The following FHIT variants were observed in gnomAD, a reference collection of about 807,000 sequenced individuals.
The protein encoded by FHIT is fragile histidine triad diadenosine triphosphatase, also known as bis(5'-adenosyl)-triphosphatase.
FHIT carries 19 observed loss-of-function variants against 17.9 expected under a neutral mutation model. That is an observed-to-expected ratio of 1.06 (90% CI 0.74 to 1.56). FHIT has a LOEUF of 1.56. Ranked by LOEUF, FHIT falls within the 40% of genes most tolerant of loss-of-function variation. The pLI is 0.00. For missense variants in FHIT, 248 were observed against 189.2 expected (o/e 1.31, Z -1.82); for synonymous variants, 81 against 69.7 (o/e 1.16, Z -0.81).
chr3:60,294,386 G>A (rs999033280), intron 5 of FHIT, among the ~76,000 whole-genome samples: 1 of 152,108 alleles, frequency 6.6e-6, no homozygotes, highest in Non-Finnish European at 1.5e-5. Flanking sequence ...CCCTCCAGAG[G>A]AACCCAGGTT....
At chr3:60,576,237 T>TA (rs1553657568) in intron 4 of FHIT, among the ~76,000 whole-genome samples, 29 of 102,212 alleles carry the variant, frequency 2.8e-4, no homozygotes, top group Non-Finnish European at 4.6e-4. Flanking sequence ...TAAAATTTTT[T>TA]TAAAAAATAC....
chr3:59,963,015 G>A (rs2107351448), intron 7 of FHIT, among the ~76,000 whole-genome samples: 1 of 152,238 alleles, frequency 6.6e-6, no homozygotes. Flanking sequence ...CAGCACTTTG[G>A]GAGGCCAAAG....
chr3:59,985,379 G>C (rs1284163097), intron 7 of FHIT, among the ~76,000 whole-genome samples: 5 of 152,084 alleles, frequency 3.3e-5, no homozygotes. Context: ...AAACCTTAGA[G>C]TATTATCAGG....
chr3:60,347,389 G>A (rs1710834315), intron 5 of FHIT, among the ~76,000 whole-genome samples: 1 of 151,868 alleles, frequency 6.6e-6, no homozygotes, highest in Non-Finnish European at 1.5e-5. Context: ...TAAATGAGAT[G>A]GAACCAACAT....
At chr3:60,983,299 G>C (rs1036755753) in intron 3 of FHIT, among the ~76,000 whole-genome samples, 30 of 152,234 alleles carry the variant, frequency 2.0e-4, no homozygotes, top group African/African-American at 6.3e-4. Flanking sequence ...AAGGAAATGA[G>C]GAAGGGACGG....
At position 60,372,448 on chromosome 3, in the gene FHIT, G is replaced by C. The variant is rs118169025; in HGVS notation, c.103+164412C>G. Among the ~76,000 whole-genome samples the C allele has an allele frequency of 2.9e-4, 44 of 152,264 alleles. No homozygotes were observed. The East Asian group carries it at 6.8e-3, about 23-fold the overall frequency. ...TTTAAAAACAGAGTTAATGTCATGA[G>C]TCTGTCTGCTTATCTCTATCTCATT... On this transcript the variant is annotated intron_variant, in intron 5 of 9. Coordinates refer to ENST00000492590, the MANE Select transcript of FHIT (RefSeq NM_002012.4).
intron 3 of FHIT, among the ~76,000 whole-genome samples, chr3:60,941,787 A>G (rs567659343): frequency 3.3e-4 from 50 of 152,164 alleles, no homozygotes; most frequent in Middle Eastern, 6.8e-3. Flanking sequence ...CTGCTTTGAT[A>G]TATCATTTTC....
intron 5 of FHIT, among the ~76,000 whole-genome samples, chr3:60,059,007 C>T (rs1702197007): frequency 6.6e-6 from 1 of 152,056 alleles, no homozygotes; most frequent in Non-Finnish European, 1.5e-5. Flanking sequence ...ATCAAGGCAA[C>T]TAAAACGAAG....
intron 5 of FHIT, among the ~76,000 whole-genome samples, chr3:60,424,002 T>C (rs1243414015): frequency 2.6e-5 from 4 of 152,320 alleles, no homozygotes; most frequent in Non-Finnish European, 4.4e-5. Flanking sequence ...ATTATAATTG[T>C]ACTACAGTAA....
intron 5 of FHIT, among the ~76,000 whole-genome samples, chr3:60,313,352 C>T (rs1416898776): frequency 7.9e-5 from 12 of 152,090 alleles, no homozygotes; most frequent in Admixed American, 5.9e-4. Flanking sequence ...GTCAAGCAAC[C>T]GCATTTATAT....
intron 4 of FHIT, among the ~76,000 whole-genome samples, chr3:60,630,914 C>T (rs189256687): frequency 9.1e-5 from 13 of 142,212 alleles, no homozygotes; most frequent in Admixed American, 2.9e-4. Flanking sequence ...GTCAAATTTA[C>T]TCACTTCTTC....
intron 1 of FHIT, among the ~76,000 whole-genome samples, chr3:61,208,699 C>A (rs1371447489): frequency 6.6e-6 from 1 of 151,840 alleles, no homozygotes; most frequent in Non-Finnish European, 1.5e-5. Flanking sequence ...TTATTTTGAG[C>A]CTATGTGTGT....
At chr3:59,871,783 C>T (rs1437453481) in intron 8 of FHIT, among the ~76,000 whole-genome samples, 1 of 152,188 alleles carries the variant, frequency 6.6e-6, no homozygotes, top group East Asian at 1.9e-4. Flanking sequence ...CATCCTTTAG[C>T]ACTCCACATA....
chr3:60,147,259 C>CT (rs1700279099), intron 5 of FHIT, among the ~76,000 whole-genome samples: 1 of 152,192 alleles, frequency 6.6e-6, no homozygotes, highest in South Asian at 2.1e-4. Flanking sequence ...TTTGAACTCT[C>CT]TGTCTTTGCA....
intron 5 of FHIT, among the ~76,000 whole-genome samples, chr3:60,401,245 T>G (rs1397901553): frequency 6.6e-6 from 1 of 152,226 alleles, no homozygotes; most frequent in African/African-American, 2.4e-5. Flanking sequence ...CACCTCCATA[T>G]ACATGTGATC....
At chr3:60,967,923 A>C (rs1709828351) in intron 3 of FHIT, among the ~76,000 whole-genome samples, 1 of 152,256 alleles carries the variant, frequency 6.6e-6, no homozygotes, top group Non-Finnish European at 1.5e-5. Context: ...ATTCGCCACT[A>C]CAATTTAAAA....
At chr3:60,441,803 T>TATATAAAA (rs1559916466) in intron 5 of FHIT, among the ~76,000 whole-genome samples, 2 of 125,892 alleles carry the variant, frequency 1.6e-5, no homozygotes, top group East Asian at 5.0e-4. Context: ...TATATATATA[T>TATATAAAA]ATATATATAT....
intron 3 of FHIT, among the ~76,000 whole-genome samples, chr3:60,952,965 G>A (rs1172460287): frequency 6.6e-6 from 1 of 152,070 alleles, no homozygotes; most frequent in African/African-American, 2.4e-5. Context: ...AAATAAATGT[G>A]TGTGCTTTTC....
chr3:60,103,665 C>T (rs1305059621), intron 5 of FHIT, among the ~76,000 whole-genome samples: 1 of 152,142 alleles, frequency 6.6e-6, no homozygotes, highest in East Asian at 1.9e-4. Flanking sequence ...AGAAGGCAGC[C>T]CTCCCAAAAG....
Sources: allele counts gnomAD v4.1 joint callset (sites outside exome capture counted in the v4.1 genomes callset), GRCh38; gene constraint gnomAD v4.1.1; transcripts MANE v1.5; gene names NCBI Gene and HGNC (gene_info 2026-07-23, HGNC 2026-07-21).